METTL15: variants seen among roughly 807,000 people sequenced by gnomAD.
METTL15 encodes the protein 12S rRNA N(4)-cytidine methyltransferase METTL15.
METTL15 carries 34 observed loss-of-function variants against 38.3 expected under a neutral mutation model. That is an observed-to-expected ratio of 0.89 (90% CI 0.68 to 1.18). METTL15 has a LOEUF of 1.18. Ranked by LOEUF, METTL15 falls within the 50% of genes most tolerant of loss-of-function variation. The pLI is 0.00. For synonymous variants in METTL15, 162 were observed against 170.9 expected (o/e 0.95, Z 0.41); for missense variants, 438 against 498.4 (o/e 0.88, Z 1.15).
intron 6 of METTL15, among the ~76,000 whole-genome samples, chr11:28,509,486 T>TAAA (rs202077372): frequency 7.1e-6 from 1 of 140,730 alleles, no homozygotes; most frequent in African/African-American, 2.6e-5. Flanking sequence ...ATCCTTTATT[T>TAAA]AAAAAAAAAA....
At chr11:28,121,182 T>C (rs1188825486) in intron 3 of METTL15, among the ~76,000 whole-genome samples, 7 of 152,216 alleles carry the variant, frequency 4.6e-5, no homozygotes, top group African/African-American at 1.7e-4. Flanking sequence ...CATTGTATTA[T>C]AATTATTTCT....
chr11:28,124,123 A>G (rs1024906065), intron 3 of METTL15, among the ~76,000 whole-genome samples: 1 of 152,192 alleles, frequency 6.6e-6, no homozygotes, highest in African/African-American at 2.4e-5. Flanking sequence ...TACTGGAACC[A>G]TATAGTAATA....
intron 6 of METTL15, among the ~76,000 whole-genome samples, chr11:28,480,465 A>T (rs772014317): frequency 4.8e-4 from 73 of 152,298 alleles, no homozygotes; most frequent in Non-Finnish European, 9.0e-4. Flanking sequence ...GTTAAACTAT[A>T]AATCTATATA....
intron 3 of METTL15, among the ~76,000 whole-genome samples, chr11:28,166,512 AT>A (rs1850663308): frequency 6.6e-6 from 1 of 152,142 alleles, no homozygotes; most frequent in African/African-American, 2.4e-5. Context: ...TATCATCCTC[AT>A]TTTTGATATT....
At chr11:28,153,957 C>T (rs1235851008) in intron 3 of METTL15, among the ~76,000 whole-genome samples, 1 of 152,082 alleles carries the variant, frequency 6.6e-6, no homozygotes, top group Admixed American at 6.6e-5. Flanking sequence ...CTCTGTTAAT[C>T]TCTATAAATT....
At chr11:28,472,600 A>C (rs1851312248) in intron 6 of METTL15, among the ~76,000 whole-genome samples, 1 of 152,152 alleles carries the variant, frequency 6.6e-6, no homozygotes, top group South Asian at 2.1e-4. Context: ...ACTTTATATC[A>C]ATCTGTATCA....
At chr11:28,248,798 A>G (rs974219024) in intron 4 of METTL15, among the ~76,000 whole-genome samples, 38 of 151,844 alleles carry the variant, frequency 2.5e-4, no homozygotes, top group African/African-American at 9.2e-4. Flanking sequence ...ATTTTTATTT[A>G]TCCCATTTTA....
At chr11:28,327,944 C>A in intron 6 of METTL15, 1 of 658,972 alleles carries the variant, frequency 1.5e-6, no homozygotes, top group Non-Finnish European at 2.4e-6. Flanking sequence ...GTTGAACCAT[C>A]ATTTTAATTT....
chr11:28,428,588 A>T (rs1407492291), intron 6 of METTL15, among the ~76,000 whole-genome samples: 1 of 152,156 alleles, frequency 6.6e-6, no homozygotes, highest in African/African-American at 2.4e-5. Flanking sequence ...TATTTCAGGG[A>T]CTGGCTTAAT....
intron 3 of METTL15, among the ~76,000 whole-genome samples, chr11:28,208,497 T>C (rs1294388219): frequency 6.6e-6 from 1 of 152,130 alleles, no homozygotes; most frequent in Non-Finnish European, 1.5e-5. Flanking sequence ...ATTTCTGTTC[T>C]TTTACATTTG....
In METTL15 at chr11:28,194,162, TTC is replaced by T. The variant is rs1851812686; in HGVS notation, c.271-16898_271-16897del. Among the ~76,000 whole-genome samples, 6 of 99,992 alleles carry T rather than the reference TTC, an allele frequency of 6.0e-5. No homozygotes were observed. In the South Asian group the frequency reaches 2.4e-3, roughly 39 times the overall value. The allele number at this position is 99,992 out of a possible 152,430, so 65.6% of individuals were successfully genotyped here. A position where few individuals can be genotyped will look rare whatever the true frequency, so the allele number is the denominator to read the frequency against. On this transcript the variant is annotated intron_variant, in intron 3 of 6. Coordinates refer to ENST00000407364, the MANE Select transcript of METTL15 (RefSeq NM_001113528.2). ...TTTCTTTCTTTCTTTCTTTCTTTCT[TTC>T]TTTCTTTCTTTTTCTCTCTCTCTCT... is the stretch of plus-strand genomic sequence containing the variant.
chr11:28,190,762 TTTAC>T (rs1851672326), intron 3 of METTL15, among the ~76,000 whole-genome samples: 1 of 151,402 alleles, frequency 6.6e-6, no homozygotes, highest in African/African-American at 2.4e-5. Flanking sequence ...GGAGACAATG[TTTAC>T]TTAGATAGAA....
chr11:28,392,356 T>G lies in METTL15; in HGVS notation c.*358+30320T>G, dbSNP rs1312485683. ...AAACAAGTTATAAGGCTAAAGTAAT[T>G]AAAACAGTGTAGAATTGGTATAAGG... On this transcript the variant is annotated intron_variant and NMD_transcript_variant, in intron 5 of 7. Transcript: ENST00000532947. Among the ~76,000 whole-genome samples the G allele has an allele frequency of 2.0e-5, 3 of 152,044 alleles. 1 individual carries two copies. The highest frequency in any genetic ancestry group is 7.2e-5 in the African/African-American group (3 of 41,422).
Position 28,169,068 on chromosome 11 carries a change from A to G in METTL15, c.271-41994A>G, listed in dbSNP as rs373323296. Among the ~76,000 whole-genome samples the G allele has an allele frequency of 5.2e-4, 79 of 152,298 alleles. 1 individual carries two copies. In the East Asian group the frequency reaches 9.4e-3, roughly 18 times the overall value. ...ATGCTAAGATGAAGTTTCACAAGGT[A>G]AAGTGGAGGTTAGACCAAAATGGAG... is the stretch of plus-strand genomic sequence containing the variant. On this transcript the variant is annotated intron_variant, in intron 3 of 6. Coordinates refer to ENST00000407364, the MANE Select transcript of METTL15 (RefSeq NM_001113528.2).
At chr11:28,302,660 T>C (rs1236530914) in intron 6 of METTL15, among the ~76,000 whole-genome samples, 1 of 152,164 alleles carries the variant, frequency 6.6e-6, no homozygotes, top group Non-Finnish European at 1.5e-5. Context: ...CCTCTTTCTT[T>C]TGTAAATTGG....
chr11:28,359,217 G>C (rs771848025), intron 4 of METTL15, among the ~76,000 whole-genome samples: 2 of 152,114 alleles, frequency 1.3e-5, no homozygotes, highest in Non-Finnish European at 2.9e-5. Flanking sequence ...AATTAGCTTA[G>C]GATAAGGTTC....
intron 3 of METTL15, among the ~76,000 whole-genome samples, chr11:28,128,942 T>C (rs1413356443): frequency 6.6e-6 from 1 of 152,200 alleles, no homozygotes; most frequent in Non-Finnish European, 1.5e-5. Context: ...TCCTCTTTGT[T>C]AGGTTAATTT....
At position 28,213,658 on chromosome 11, in the gene METTL15, CT is replaced by C. The variant is rs34361912; in HGVS notation, c.407+2475del. On this transcript the variant is annotated intron_variant, in intron 4 of 6. Transcript: ENST00000407364. Reference sequence around the variant, plus strand: ...ATAGGAAAAAGCAATGCCTTTTTTTCTTTTTTTTTTTTTTTGAGACGGAGTC... The same window carrying C: ...ATAGGAAAAAGCAATGCCTTTTTTTCTTTTTTTTTTTTTTGAGACGGAGTC... Among the ~76,000 whole-genome samples, 667 of 131,950 alleles carry C rather than the reference CT, an allele frequency of 5.1e-3. 4 individuals carry two copies. Among genetic ancestry groups the C allele is most frequent in the African/African-American group, 0.015 (550 of 36,474 alleles). 86.6% of individuals were successfully genotyped at this position (131,950 alleles called of 152,430 possible). A position where few individuals can be genotyped will look rare whatever the true frequency, so the allele number is the denominator to read the frequency against.
intron 6 of METTL15, among the ~76,000 whole-genome samples, chr11:28,453,288 A>G (rs920732603): frequency 6.6e-6 from 1 of 152,226 alleles, no homozygotes; most frequent in Non-Finnish European, 1.5e-5. Context: ...GCCACCTTCC[A>G]TAAAAGAAAT....
Sources: allele counts gnomAD v4.1 joint callset (sites outside exome capture counted in the v4.1 genomes callset), GRCh38; gene constraint gnomAD v4.1.1; transcripts MANE v1.5; gene names NCBI Gene and HGNC (gene_info 2026-07-23, HGNC 2026-07-21).